RIF1: variants seen among roughly 807,000 people sequenced by gnomAD.
RIF1 encodes the protein replication timing regulatory factor 1.
RIF1 carries 45 observed loss-of-function variants against 247.1 expected under a neutral mutation model. The observed-to-expected ratio is 0.18, with a 90% CI of 0.14 to 0.23. The LOEUF (loss-of-function observed/expected upper bound fraction) is 0.23. Ranked by LOEUF, RIF1 falls within the 10% of genes least tolerant of loss-of-function variation. The pLI is 1.00. For missense variants in RIF1, 2,967 were observed against 2,862.5 expected (o/e 1.04, Z -0.83); for synonymous variants, 1,087 against 978.8 (o/e 1.11, Z -2.06).
chr2:151,410,121 T>G, intron 1 of RIF1, 88 bp downstream of exon 1: 1 of 688,134 alleles, frequency 1.5e-6, no homozygotes, highest in South Asian at 1.5e-5. Context: ...GATGCCTCGT[T>G]CCCCGGGCTT....
chr2:151,533,506 C>T, the RIF1 span: 2 of 1,551,484 alleles, frequency 1.3e-6, no homozygotes, highest in Non-Finnish European at 1.7e-6. Context: ...TTCATTACAT[C>T]CATGTTGCAG....
intron 30 of RIF1, among the ~76,000 whole-genome samples, chr2:151,466,954 A>G (rs550091499): frequency 6.6e-6 from 1 of 152,180 alleles, no homozygotes; most frequent in Non-Finnish European, 1.5e-5. Context: ...CAGGCTCGGT[A>G]GCTCACACCT....
At chr2:151,453,327 A>G (rs1387938403) in intron 21 of RIF1, among the ~76,000 whole-genome samples, 1 of 152,180 alleles carries the variant, frequency 6.6e-6, no homozygotes, top group Non-Finnish European at 1.5e-5. Flanking sequence ...CTGTAATACC[A>G]GCACTTTGAG....
In RIF1 at chr2:151,490,514, T is replaced by C. The variant is rs1432279381; in HGVS notation, c.*416-4715T>C. 1.2e-6 allele frequency: 2 copies of C among 1,608,724 alleles called. No homozygotes were observed. Among genetic ancestry groups the C allele is most frequent in the Non-Finnish European group, 1.7e-6 (2 of 1,177,612 alleles). On this transcript the variant is annotated intron_variant and NMD_transcript_variant, in intron 9 of 13. Coordinates refer to the RIF1 transcript ENST00000454583. ...ACTGCTCCCGGCTCCGGCGCTGAGC[T>C]TGGACTGGGAGAGATGCAGTTGGGG...
At chr2:151,440,401 C>T (rs1692069768) in intron 15 of RIF1, among the ~76,000 whole-genome samples, 2 of 152,118 alleles carry the variant, frequency 1.3e-5, no homozygotes, top group Non-Finnish European at 2.9e-5. Flanking sequence ...GGACATGAAA[C>T]TTGAACTGAA....
intron 20 of RIF1, among the ~76,000 whole-genome samples, chr2:151,450,653 G>A (rs966908281): frequency 1.3e-5 from 2 of 151,782 alleles, no homozygotes; most frequent in South Asian, 2.1e-4. Flanking sequence ...GTGTGAACTC[G>A]GCTCACTGCA....
chr2:151,496,648 A>G (rs2060407358), intron 10 of RIF1, among the ~76,000 whole-genome samples: 1 of 152,140 alleles, frequency 6.6e-6, no homozygotes. Flanking sequence ...TGCCTCCTAA[A>G]CAATCACATG....
At chr2:151,430,008 C>T (rs1367536898) in intron 9 of RIF1, among the ~76,000 whole-genome samples, 3 of 151,824 alleles carry the variant, frequency 2.0e-5, no homozygotes, top group African/African-American at 7.3e-5. Context: ...TGATTATTTG[C>T]ATTAATGTAT....
chr2:151,513,243 C>G, the RIF1 span, among the ~76,000 whole-genome samples: 1 of 152,170 alleles, frequency 6.6e-6, no homozygotes, highest in Non-Finnish European at 1.5e-5. Context: ...CCAAGATATT[C>G]TAAGCAAGGA....
the RIF1 span, chr2:151,527,483 C>A: frequency 1.9e-6 from 3 of 1,610,214 alleles, no homozygotes; most frequent in Non-Finnish European, 2.5e-6. Flanking sequence ...TGTCTTACAT[C>A]GCTTTGCTGC....
chr2:151,426,685 C>CA (rs1689159986), intron 8 of RIF1, among the ~76,000 whole-genome samples: 1 of 150,038 alleles, frequency 6.7e-6, no homozygotes, highest in Non-Finnish European at 1.5e-5. Context: ...TTTTTTAAGA[C>CA]AGAGTCTCGC....
chr2:151,531,422 T>C, the RIF1 span, among the ~76,000 whole-genome samples: 1 of 148,974 alleles, frequency 6.7e-6, no homozygotes, highest in African/African-American at 2.5e-5. Context: ...GCTCAAGCAA[T>C]TGTCACGCCT....
intron 33 of RIF1, 64 bp downstream of exon 33, chr2:151,468,820 T>C (rs1203618129): frequency 8.8e-7 from 1 of 1,130,960 alleles, no homozygotes; most frequent in African/African-American, 1.5e-5. Context: ...AGGACTTATC[T>C]GATTGCTTGG....
rs760386552 is a variant in RIF1, at chr2:151,465,940, C to T, written c.6420C>T (p.Asp2140=). 3 of 1,614,134 alleles carry T rather than the reference C, an allele frequency of 1.9e-6. No individual in the cohort carries two copies. In the East Asian group the frequency reaches 6.7e-5, roughly 36 times the overall value. ...GTAISELIIE[D]NNASPQKLRE... ...CTATCTCTGAGCTAATAATAGAAGA[C>T]AATAATGCATCTCCTCAAAAACTAA... Residue 2140 remains aspartate, a synonymous_variant, in exon 30 of 36, where the codon GAC becomes GAT. Transcript: ENST00000444746.
chr2:151,443,748 C>CT (rs377346375), intron 18 of RIF1, 39 bp downstream of exon 18: 6,125 of 1,135,932 alleles, frequency 5.4e-3, no homozygotes, highest in South Asian at 6.5e-3. Flanking sequence ...GATAATAGAC[C>CT]TTTTTTTTTT....
At chr2:151,429,709 A>G (rs1057369017) in intron 9 of RIF1, among the ~76,000 whole-genome samples, 9 of 152,192 alleles carry the variant, frequency 5.9e-5, no homozygotes, top group Admixed American at 2.6e-4. Flanking sequence ...CTAGAAGAGT[A>G]CCTAATAGTG....
At chr2:151,526,865 TG>T in the RIF1 span, 1 of 1,255,290 alleles carries the variant, frequency 8.0e-7, no homozygotes, top group South Asian at 1.3e-5. Context: ...GACTGTACCA[TG>T]GAAGATGGCC....
At chr2:151,429,798 A>G (rs1261199715) in intron 9 of RIF1, among the ~76,000 whole-genome samples, 1 of 152,142 alleles carries the variant, frequency 6.6e-6, no homozygotes, top group Non-Finnish European at 1.5e-5. Flanking sequence ...GAGTTTTCTG[A>G]TAATATATTC....
Position 151,435,542 on chromosome 2 carries a change from C to T in RIF1, c.1157C>T (p.Thr386Ile), listed in dbSNP as rs778641602. 6.2e-6 allele frequency: 10 copies of T among 1,609,446 alleles called. No individual in the cohort carries two copies. The South Asian group carries it at 9.9e-5, about 16-fold the overall frequency. ...SPQGNSCHVA[T>I]SPGLNPMTPV... ...CAGGGCAATTCGTGTCATGTAGCTA[C>T]ATCTCCAGGTTTAAATCCTATGACT... Residue 386 changes from threonine (T) to isoleucine (I), a missense_variant, in exon 11 of 36, where the codon ACA becomes ATA. Transcript: ENST00000444746.
Sources: gnomAD v4.1 joint callset for allele counts (sites outside exome capture counted in the v4.1 genomes callset) on GRCh38, gnomAD v4.1.1 for gene constraint, MANE v1.5 for transcripts, NCBI Gene and HGNC (gene_info 2026-07-23, HGNC 2026-07-21) for gene names.